PTPRG: variants seen among roughly 807,000 people sequenced by gnomAD.
The protein encoded by PTPRG is protein tyrosine phosphatase receptor type G.
In PTPRG, 102 loss-of-function variants were observed where a neutral mutation model predicts 165.3. The observed-to-expected ratio is 0.62, with a 90% CI of 0.53 to 0.73. The LOEUF (loss-of-function observed/expected upper bound fraction) is 0.73. Among genes scored for constraint, PTPRG ranks in the 30% least tolerant of loss-of-function variants. PTPRG has a pLI of 0.00. For missense variants in PTPRG, 1,866 were observed against 1,861.4 expected, an observed-to-expected ratio of 1.00 and a Z score of -0.05; for synonymous variants, 675 against 669.5, an observed-to-expected ratio of 1.01 and a Z score of -0.13.
chr3:62,281,261 T>C (rs1702423328), intron 26 of PTPRG, among the ~76,000 whole-genome samples: 1 of 152,016 alleles, frequency 6.6e-6, no homozygotes, highest in Non-Finnish European at 1.5e-5. Flanking sequence ...TCCTGCTTTC[T>C]TTTTTACTAT....
chr3:62,068,038 A>G (rs769319397), intron 4 of PTPRG, among the ~76,000 whole-genome samples: 5 of 152,176 alleles, frequency 3.3e-5, no homozygotes, highest in Non-Finnish European at 5.9e-5. Context: ...GTTTTAAGTA[A>G]GTGGGCTCTA....
intron 1 of PTPRG, among the ~76,000 whole-genome samples, chr3:61,746,147 A>G (rs1222637467): frequency 1.4e-5 from 2 of 140,580 alleles, no homozygotes; most frequent in East Asian, 2.1e-4. Flanking sequence ...GGCTCACGCT[A>G]TCGTCCCACC....
intron 2 of PTPRG, among the ~76,000 whole-genome samples, chr3:61,950,931 C>A (rs142446685): frequency 1.3e-5 from 2 of 152,218 alleles, no homozygotes; most frequent in African/African-American, 4.8e-5. Context: ...TATGTCCTGT[C>A]ATGTGGACAA....
intron 2 of PTPRG, among the ~76,000 whole-genome samples, chr3:61,817,032 G>GTA (rs2035789457): frequency 7.9e-6 from 1 of 126,696 alleles, no homozygotes; most frequent in African/African-American, 3.0e-5. Flanking sequence ...ATAATATATA[G>GTA]TATATAATAT....
chr3:61,873,226 C>T (rs2037631291), intron 2 of PTPRG, among the ~76,000 whole-genome samples: 1 of 152,124 alleles, frequency 6.6e-6, no homozygotes, highest in Admixed American at 6.5e-5. Context: ...AAGCGGAAAA[C>T]TGGCTACAGC....
intron 3 of PTPRG, among the ~76,000 whole-genome samples, chr3:61,993,203 GTTGT>G (rs934471647): frequency 4.0e-5 from 6 of 149,094 alleles, no homozygotes; most frequent in Non-Finnish European, 8.9e-5. Context: ...TTTTTTTGTT[GTTGT>G]TTGTTTGGTT....
intron 2 of PTPRG, among the ~76,000 whole-genome samples, chr3:61,913,362 G>T (rs1228452537): frequency 6.6e-6 from 1 of 152,144 alleles, no homozygotes; most frequent in Non-Finnish European, 1.5e-5. Flanking sequence ...TGGGACTACA[G>T]GTGCCCGCCA....
At chr3:61,882,296 C>T (rs2037909710) in intron 2 of PTPRG, among the ~76,000 whole-genome samples, 1 of 152,170 alleles carries the variant, frequency 6.6e-6, no homozygotes, top group Non-Finnish European at 1.5e-5. Flanking sequence ...GGGACTTGCT[C>T]AGCTGGAATT....
intron 1 of PTPRG, among the ~76,000 whole-genome samples, chr3:61,722,458 A>G (rs528796260): frequency 6.6e-6 from 1 of 152,336 alleles, no homozygotes; most frequent in East Asian, 1.9e-4. Flanking sequence ...AAATTTGGAC[A>G]CTAAATTGAT....
chr3:62,030,699 C>T (rs189558869), intron 4 of PTPRG, among the ~76,000 whole-genome samples: 2 of 152,242 alleles, frequency 1.3e-5, no homozygotes, highest in Admixed American at 1.3e-4. Flanking sequence ...AGTTAATGAA[C>T]AGCAAACAGT....
At chr3:62,059,746 C>A (rs1354825784) in intron 4 of PTPRG, among the ~76,000 whole-genome samples, 1 of 152,116 alleles carries the variant, frequency 6.6e-6, no homozygotes, top group Non-Finnish European at 1.5e-5. Flanking sequence ...ATGGGAGGAA[C>A]CTAGTAGGAG....
At chr3:61,564,955 C>T (rs1699871380) in intron 1 of PTPRG, among the ~76,000 whole-genome samples, 1 of 152,236 alleles carries the variant, frequency 6.6e-6, no homozygotes, top group African/African-American at 2.4e-5. Context: ...GCTATGACCT[C>T]GAAAGCGCTT....
chr3:62,158,480 T>C (rs1321833807), intron 7 of PTPRG, among the ~76,000 whole-genome samples: 1 of 152,180 alleles, frequency 6.6e-6, no homozygotes, highest in African/African-American at 2.4e-5. Flanking sequence ...ACCTTCTGGG[T>C]CTTATGTCAA....
chr3:62,016,466 T>C (rs1202146829), intron 4 of PTPRG, among the ~76,000 whole-genome samples: 1 of 152,124 alleles, frequency 6.6e-6, no homozygotes, highest in Non-Finnish European at 1.5e-5. Context: ...GCGCCCGGCC[T>C]GTATTAACTA....
chr3:61,713,347 A>AT (rs1170322159), intron 1 of PTPRG, among the ~76,000 whole-genome samples: 16 of 101,864 alleles, frequency 1.6e-4, no homozygotes, highest in South Asian at 9.1e-4. Context: ...TTTTTTTTGT[A>AT]TTTTTAGTAG....
intron 1 of PTPRG, among the ~76,000 whole-genome samples, chr3:61,678,700 A>G (rs1354020346): frequency 6.6e-6 from 1 of 151,876 alleles, no homozygotes; most frequent in Non-Finnish European, 1.5e-5. Context: ...ACAGCACCCA[A>G]CCTACTTCCC....
intron 2 of PTPRG, among the ~76,000 whole-genome samples, chr3:61,944,833 C>T (rs2039716660): frequency 6.6e-6 from 1 of 152,148 alleles, no homozygotes; most frequent in Non-Finnish European, 1.5e-5. Flanking sequence ...GAATTAAAAT[C>T]TTTTGGGACC....
At chr3:61,683,357 C>T (rs1010118972) in intron 1 of PTPRG, among the ~76,000 whole-genome samples, 6 of 152,214 alleles carry the variant, frequency 3.9e-5, no homozygotes, top group African/African-American at 1.4e-4. Context: ...GTGGTAACAG[C>T]TGTTGCTGTG....
intron 13 of PTPRG, 121 bp from the exon 14 acceptor site, chr3:62,231,104 G>T: frequency 1.6e-6 from 1 of 642,094 alleles, no homozygotes. Flanking sequence ...TCACAGATGA[G>T]GCCTGATGAC....
Sources: allele counts gnomAD v4.1 joint callset (sites outside exome capture counted in the v4.1 genomes callset), GRCh38; gene constraint gnomAD v4.1.1; transcripts MANE v1.5; gene names NCBI Gene and HGNC (gene_info 2026-07-23, HGNC 2026-07-21).